Variants in ANKHD1 observed in about 807,000 individuals in gnomAD.
ANKHD1 encodes ankyrin repeat and KH domain containing 1.
In ANKHD1, 31 loss-of-function variants were observed where a neutral mutation model predicts 230.5. That is an observed-to-expected ratio of 0.13 (90% CI 0.10 to 0.18). The LOEUF is 0.18. Ranked by LOEUF, ANKHD1 falls within the 10% of genes least tolerant of loss-of-function variation. The pLI is 1.00. For synonymous variants in ANKHD1, 1,074 were observed against 1,117.6 expected, an observed-to-expected ratio of 0.96 and a Z score of 0.78; for missense variants, 2,256 against 3,071.3, an observed-to-expected ratio of 0.73 and a Z score of 6.27.
chr5:140,496,379 T>C (rs1414815160), intron 14 of ANKHD1, 141 bp from the exon 15 acceptor site: 1 of 867,594 alleles, frequency 1.2e-6, no homozygotes, highest in Non-Finnish European at 1.6e-6. Flanking sequence ...ACATTCATTC[T>C]ATAACATTAG....
At chr5:140,486,089 G>A (rs190763592) in intron 13 of ANKHD1, 2 of 241,946 alleles carry the variant, frequency 8.3e-6, no homozygotes, top group East Asian at 1.6e-4. Context: ...TTTTGAGATG[G>A]AGTCTTGCTC....
At chr5:140,472,907 A>G (rs1324291126) in intron 10 of ANKHD1, among the ~76,000 whole-genome samples, 2 of 152,182 alleles carry the variant, frequency 1.3e-5, no homozygotes, top group East Asian at 3.8e-4. Context: ...TTAAAAGTCA[A>G]ATAAATTTAA....
intron 1 of ANKHD1, among the ~76,000 whole-genome samples, chr5:140,405,145 A>G (rs1456994595): frequency 6.6e-6 from 1 of 152,082 alleles, no homozygotes; most frequent in Non-Finnish European, 1.5e-5. Flanking sequence ...AGTGGTGCCT[A>G]ATGTTAGAAG....
intron 8 of ANKHD1, 121 bp downstream of exon 8, chr5:140,458,983 T>TATATAC (rs1775473167): frequency 5.0e-5 from 1 of 20,126 alleles, no homozygotes; most frequent in Non-Finnish European, 8.5e-5. Context: ...TATATATGCA[T>TATATAC]ATATATATAT....
chr5:140,402,007 G>A lies in ANKHD1; in HGVS notation c.40G>A (p.Glu14Lys). The change falls in exon 1 of 34, where the codon GAG becomes AAG. Residue 14 changes from glutamate to lysine, a missense_variant. Coordinates refer to ENST00000360839, the MANE Select transcript of ANKHD1 (RefSeq NM_017747.3). ...CGGAGGCGGCGGCACCTCCTTTGAG[G>A]AGGACCTGGACTCTGTGGCTCCGCG... Reference protein sequence around the residue: ...DSGGGGTSFEEDLDSVAPRSA... With the variant: ...DSGGGGTSFEKDLDSVAPRSA... The A allele has an allele frequency of 2.6e-6, 4 of 1,547,342 alleles. No homozygotes were observed. Among genetic ancestry groups the A allele is most frequent in the Non-Finnish European group, 3.5e-6 (4 of 1,152,872 alleles).
chr5:140,441,105 T>C lies in ANKHD1; in HGVS notation c.876T>C (p.Leu292=), dbSNP rs763682115. ...GGYLDIVKLL[L]LHDADVNSQS... ...ACTTAGATATTGTGAAATTATTACT[T>C]CTTCATGATGCTGATGTCAACTCCC... Residue 292 remains leucine (L), a synonymous_variant, in exon 5 of 34, where the codon CTT becomes CTC. Transcript: ENST00000360839. The C allele has an allele frequency of 6.2e-6, 10 of 1,608,926 alleles. No homozygotes were observed. The South Asian group carries it at 1.1e-4, about 18-fold the overall frequency.
rs543144850 is a variant in ANKHD1, at chr5:140,487,165, T to C, written c.2245+105T>C. 2.6e-5 allele frequency: 31 copies of C among 1,184,802 alleles called. No individual in the cohort carries two copies. The African/African-American group carries it at 4.6e-4, about 18-fold the overall frequency. The allele number at this position is 1,184,802 out of a possible 1,614,324, so 73.4% of individuals were successfully genotyped here. A position where few individuals can be genotyped will look rare whatever the true frequency, so the allele number is the denominator to read the frequency against. ...AGAGTTACTGTGTACCCATGGCTAA[T>C]TGAGGTAGATAATTCTGACAAATGC... is the stretch of plus-strand genomic sequence containing the variant. On this transcript the variant is annotated intron_variant, in intron 14 of 33. Coordinates refer to ENST00000360839, the MANE Select transcript of ANKHD1 (RefSeq NM_017747.3).
chr5:140,500,145 G>T (rs187251851), intron 15 of ANKHD1, among the ~76,000 whole-genome samples: 156 of 152,008 alleles, frequency 1.0e-3, no homozygotes, highest in African/African-American at 3.5e-3. Context: ...TTGGTTTTAC[G>T]GGCGTGAGCC....
At chr5:140,472,212 C>T (rs1019365946) in intron 10 of ANKHD1, 4 of 1,604,638 alleles carry the variant, frequency 2.5e-6, no homozygotes, top group South Asian at 2.2e-5. Flanking sequence ...GAATAAGATC[C>T]GTGAGTTCTT....
chr5:140,402,059 C>G lies in ANKHD1; in HGVS notation c.92C>G (p.Pro31Arg). 1 of 1,489,742 alleles carries G rather than the reference C, an allele frequency of 6.7e-7. No homozygotes were observed. The highest frequency in any genetic ancestry group is 8.9e-7 in the Non-Finnish European group (1 of 1,124,718). The allele number at this position is 1,489,742 out of a possible 1,614,324, so 92.3% of individuals were successfully genotyped here. A position where few individuals can be genotyped will look rare whatever the true frequency, so the allele number is the denominator to read the frequency against. ...PRSAPAGASE[P>R]PPPGGVGLGI... The stretch of plus-strand genomic sequence containing the variant: ...TCCGCCCCAGCTGGGGCCTCGGAGC[C>G]GCCTCCGCCGGGAGGGGTCGGTCTG... Residue 31 changes from proline to arginine, a missense_variant, in exon 1 of 34, where the codon CCG (proline) becomes CGG (arginine). By Grantham distance (103) the Pro-to-Arg change is moderately radical (BLOSUM62 -2). Transcript: ENST00000360839.
intron 24 of ANKHD1, among the ~76,000 whole-genome samples, chr5:140,518,859 C>G (rs1381182301): frequency 6.6e-6 from 1 of 152,132 alleles, no homozygotes; most frequent in East Asian, 1.9e-4. Context: ...GGAAGCGTTC[C>G]CTTTGAAAAC....
chr5:140,451,141 G>C (rs1774705021), intron 7 of ANKHD1, among the ~76,000 whole-genome samples: 1 of 152,068 alleles, frequency 6.6e-6, no homozygotes, highest in African/African-American at 2.4e-5. Context: ...GACAGAGTGA[G>C]ACTCTGTCTC....
chr5:140,444,578 C>T (rs1215244211), intron 5 of ANKHD1, among the ~76,000 whole-genome samples: 1 of 152,080 alleles, frequency 6.6e-6, no homozygotes, highest in African/African-American at 2.4e-5. Flanking sequence ...TGCCAGATGT[C>T]CTTTTCTGCC....
At chr5:140,438,437 C>G (rs1167921618) in intron 2 of ANKHD1, 24 bp from the exon 3 acceptor site, 7 of 1,564,622 alleles carry the variant, frequency 4.5e-6, no homozygotes, top group Non-Finnish European at 6.1e-6. Context: ...TCTGCACTAC[C>G]TGATTGATTG....
chr5:140,464,050 A>G (rs536107103), intron 9 of ANKHD1, among the ~76,000 whole-genome samples: 1 of 152,186 alleles, frequency 6.6e-6, no homozygotes, highest in South Asian at 2.1e-4. Context: ...AGCCTGGCCA[A>G]CATGGTAAAA....
intron 7 of ANKHD1, among the ~76,000 whole-genome samples, chr5:140,452,237 T>G (rs886329232): frequency 6.6e-6 from 1 of 152,176 alleles, no homozygotes; most frequent in South Asian, 2.1e-4. Flanking sequence ...TCAAACTGGG[T>G]GGAGCCCACT....
chr5:140,514,134 A>G (rs1026524642), intron 24 of ANKHD1, among the ~76,000 whole-genome samples: 3 of 151,464 alleles, frequency 2.0e-5, no homozygotes, highest in African/African-American at 7.3e-5. Context: ...CCAGTGAGCC[A>G]TAATTACACA....
intron 23 of ANKHD1, 58 bp downstream of exon 23, chr5:140,512,981 G>A (rs754341542): frequency 6.8e-7 from 1 of 1,473,998 alleles, no homozygotes; most frequent in Non-Finnish European, 9.2e-7. Context: ...ATATGCCAAA[G>A]TGTGCAGTTA....
At chr5:140,488,703 G>C (rs113467883) in intron 14 of ANKHD1, among the ~76,000 whole-genome samples, 3,190 of 151,830 alleles carry the variant, frequency 0.021, 119 homozygotes, top group African/African-American at 0.073. Context: ...AGTTTGAGAC[G>C]AGCCTGGCCG....
Sources: allele counts gnomAD v4.1 joint callset (sites outside exome capture counted in the v4.1 genomes callset), GRCh38; gene constraint gnomAD v4.1.1; transcripts MANE v1.5; gene names NCBI Gene and HGNC (gene_info 2026-07-23, HGNC 2026-07-21).